FBXO38: variants seen among roughly 807,000 people sequenced by gnomAD.
The protein encoded by FBXO38 is F-box protein 38, also known as F-box only protein 38.
Under a neutral mutation model 131.9 loss-of-function variants are expected in FBXO38, and 53 were observed. The ratio of observed to expected loss-of-function variants is 0.40; its 90% CI spans 0.32 to 0.51. The LOEUF (loss-of-function observed/expected upper bound fraction) is 0.51, where lower values mean the gene tolerates loss of function less well. Ranked by LOEUF, FBXO38 falls within the 20% of genes least tolerant of loss-of-function variation. The pLI is 0.53. For missense variants in FBXO38, 1,076 were observed against 1,475.6 expected (o/e 0.73, Z 4.44); for synonymous variants, 452 against 505.6 (o/e 0.89, Z 1.42).
intron 1 of FBXO38, among the ~76,000 whole-genome samples, chr5:148,386,581 T>C (rs1757925161): frequency 6.6e-6 from 1 of 152,176 alleles, no homozygotes; most frequent in Non-Finnish European, 1.5e-5. Flanking sequence ...TCTTCAACTT[T>C]TAACATTCTG....
rs1376521591 is a variant in FBXO38, at chr5:148,433,507, G to A, written c.2737G>A (p.Glu913Lys). ...KSTSTSDPVI[E>K]DDHVQVLVLK... ...CACTAGTACAAGTGATCCTGTGATCGAGGATGACCATGTGCAGGTAGAGAA... is the reference window on the plus strand; with the variant it reads ...CACTAGTACAAGTGATCCTGTGATCAAGGATGACCATGTGCAGGTAGAGAA... Residue 913 changes from glutamate to lysine, a missense_variant, in exon 16 of 22, where the codon GAG (glutamate) becomes AAG (lysine). Physicochemically the swap from Glu to Lys is moderately conservative, Grantham distance 56. Around this residue, in one of 8 missense-constraint regions of FBXO38, gnomAD observed 282 missense variants for 418.8 expected, o/e 0.67. Transcript: ENST00000340253. The A allele has an allele frequency of 1.9e-6, 3 of 1,612,732 alleles. No homozygotes were observed. The highest frequency in any genetic ancestry group is 2.2e-5 in the East Asian group (1 of 44,848).
At chr5:148,393,903 A>G (rs905615668) in intron 1 of FBXO38, among the ~76,000 whole-genome samples, 31 of 152,182 alleles carry the variant, frequency 2.0e-4, no homozygotes, top group Non-Finnish European at 2.6e-4. Context: ...ATGCTGATCA[A>G]TAGAACAGAA....
In FBXO38 at chr5:148,417,204, G is replaced by C. The variant is rs779438870; in HGVS notation, c.1618G>C (p.Ala540Pro). The C allele has an allele frequency of 6.3e-7, 1 of 1,599,390 alleles. No homozygotes were observed. The highest frequency in any genetic ancestry group is 8.6e-7 in the Non-Finnish European group (1 of 1,167,004). ...AGGAGAGCAGCAGTTTGCAGCTGAC[G>C]GTAACCCAGATCTTTTATGAGCTCC... is the stretch of plus-strand genomic sequence containing the variant. ...QPGEQQFAADALNEMEDIVQE... is the reference protein window; with the variant it reads ...QPGEQQFAADPLNEMEDIVQE... Residue 540 changes from alanine to proline, a missense_variant and splice_region_variant, in exon 12 of 22, where the codon GCA becomes CCA. Physicochemically the swap from Ala to Pro is conservative, Grantham distance 27 (BLOSUM62 -1). Around this residue, in one of 8 missense-constraint regions of FBXO38, gnomAD observed 212 missense variants for 221.2 expected, o/e 0.96. Coordinates refer to ENST00000340253, the MANE Select transcript of FBXO38 (RefSeq NM_205836.3).
intron 2 of FBXO38, among the ~76,000 whole-genome samples, chr5:148,396,744 TA>T (rs1758503166): frequency 6.6e-6 from 1 of 152,120 alleles, no homozygotes; most frequent in Admixed American, 6.6e-5. Flanking sequence ...CCTTTTGCCT[TA>T]GGGGCGCACA....
chr5:148,436,768 C>T (rs1351907765), intron 17 of FBXO38, among the ~76,000 whole-genome samples: 2 of 152,158 alleles, frequency 1.3e-5, no homozygotes, highest in Non-Finnish European at 2.9e-5. Context: ...CCTTGGGGAC[C>T]CCAGACTCTA....
Position 148,427,734 on chromosome 5 carries a change from G to C in FBXO38, c.2440G>C (p.Ala814Pro). 2 of 1,613,822 alleles carry C rather than the reference G, an allele frequency of 1.2e-6. No homozygotes were observed. The highest frequency in any genetic ancestry group is 1.7e-6 in the Non-Finnish European group (2 of 1,179,832). The change falls in exon 15 of 22, where the codon GCC (alanine) becomes CCC (proline). Residue 814 changes from alanine (A) to proline (P), a missense_variant. Physicochemically the swap from Ala to Pro is conservative, Grantham distance 27. Coordinates refer to ENST00000340253, the MANE Select transcript of FBXO38 (RefSeq NM_205836.3). ...VVNGPDGTRS[A>P]FSFRTLPQGG... The stretch of plus-strand genomic sequence containing the variant: ...GAATGGCCCGGATGGTACGAGATCC[G>C]CCTTTTCCTTTAGGACTCTGCCACA...
chr5:148,438,288 C>A, intron 17 of FBXO38, 44 bp from the exon 18 acceptor site: 2 of 1,583,740 alleles, frequency 1.3e-6, no homozygotes, highest in Non-Finnish European at 1.7e-6. Context: ...GCCATCTCTC[C>A]AAAGATGATA....
intron 8 of FBXO38, 70 bp downstream of exon 8, chr5:148,409,287 T>C (rs1752618319): frequency 1.9e-6 from 2 of 1,033,868 alleles, no homozygotes; most frequent in Non-Finnish European, 1.5e-6. Context: ...TTACAAAAAA[T>C]TGTGGAATGT....
At chr5:148,426,599 C>G (rs1340316494) in intron 14 of FBXO38, among the ~76,000 whole-genome samples, 1 of 152,190 alleles carries the variant, frequency 6.6e-6, no homozygotes, top group Non-Finnish European at 1.5e-5. Context: ...CTAAATTTAG[C>G]AACTAAATCC....
Position 148,427,726 on chromosome 5 carries a change from C to T in FBXO38, c.2432C>T (p.Thr811Met), listed in dbSNP as rs540705586. 6.2e-6 allele frequency: 10 copies of T among 1,613,994 alleles called. No homozygotes were observed. Among genetic ancestry groups the T allele is most frequent in the South Asian group, 1.1e-5 (1 of 91,076 alleles). ...TGTGTTGTGAATGGCCCGGATGGTA[C>T]GAGATCCGCCTTTTCCTTTAGGACT... ...RACVVNGPDG[T>M]RSAFSFRTLP... The change falls in exon 15 of 22, where the codon ACG (threonine) becomes ATG (methionine). Residue 811 changes from threonine (T) to methionine (M), a missense_variant. Thr to Met is a moderately conservative substitution (Grantham distance 81). Transcript: ENST00000340253.
chr5:148,436,617 A>G (rs1186322253), intron 17 of FBXO38, among the ~76,000 whole-genome samples: 1 of 152,168 alleles, frequency 6.6e-6, no homozygotes, highest in Non-Finnish European at 1.5e-5. Flanking sequence ...TATATCTCCT[A>G]CCATATTAGT....
chr5:148,387,500 CAG>C (rs985987660), intron 1 of FBXO38, among the ~76,000 whole-genome samples: 3 of 152,142 alleles, frequency 2.0e-5, no homozygotes, highest in African/African-American at 7.2e-5. Context: ...TTGAATCCCT[CAG>C]AGTCATCCAT....
At position 148,427,496 on chromosome 5, in the gene FBXO38, C is replaced by T. The variant is rs771687051; in HGVS notation, c.2202C>T (p.Gly734=). ...ACTTTGTAAGGACGGTGAACAGCGG[C>T]GGCTCTTCCGAGCCTAGCCCTACAG... ...SPDFVRTVNS[G]GSSEPSPTEV... Residue 734 remains glycine, a synonymous_variant, in exon 15 of 22, where the codon GGC becomes GGT. Transcript: ENST00000340253. The T allele has an allele frequency of 5.6e-6, 9 of 1,614,170 alleles. No individual in the cohort carries two copies. The highest frequency in any genetic ancestry group is 2.2e-5 in the East Asian group (1 of 44,872).
At chr5:148,416,772 C>A in intron 11 of FBXO38, 1 of 516,712 alleles carries the variant, frequency 1.9e-6, no homozygotes. Context: ...ATCTCTTCTC[C>A]TTGCATGACT....
chr5:148,438,577 T>C, intron 18 of FBXO38, 79 bp downstream of exon 18: 1 of 1,484,566 alleles, frequency 6.7e-7, no homozygotes, highest in African/African-American at 1.4e-5. Context: ...TCTTTAGCCT[T>C]TTGGATTTGG....
At position 148,415,605 on chromosome 5, in the gene FBXO38, A is replaced by C. The variant is rs1581258350; in HGVS notation, c.1265-323A>C. Among the ~76,000 whole-genome samples the C allele has an allele frequency of 2.0e-5, 3 of 152,300 alleles. No individual in the cohort carries two copies. In the East Asian group the frequency reaches 5.8e-4, roughly 29 times the overall value. On this transcript the variant is annotated intron_variant, in intron 10 of 21. Coordinates refer to ENST00000340253, the MANE Select transcript of FBXO38 (RefSeq NM_205836.3). ...TCCTTAATTCTTTTGAAATAGCTAC[A>C]TAATGTTCTATTAAATAAATATGCC...
At chr5:148,417,309 T>C in intron 12 of FBXO38, 105 bp downstream of exon 12, 1 of 829,558 alleles carries the variant, frequency 1.2e-6, no homozygotes. Context: ...CTTGTCACTT[T>C]CCACATTGAG....
intron 10 of FBXO38, among the ~76,000 whole-genome samples, 188 bp downstream of exon 10, chr5:148,414,494 C>T (rs1279284397): frequency 6.6e-6 from 1 of 152,132 alleles, no homozygotes; most frequent in Non-Finnish European, 1.5e-5. Flanking sequence ...CTTTAAACTT[C>T]TGACGTTCTC....
Position 148,440,467 on chromosome 5 carries a change from G to A in FBXO38, c.3214G>A (p.Glu1072Lys), listed in dbSNP as rs1319448078. The change falls in exon 20 of 22, where the codon GAA becomes AAA. Residue 1072 changes from glutamate to lysine, a missense_variant. Physicochemically the swap from Glu to Lys is moderately conservative, Grantham distance 56. Around this residue, in one of 8 missense-constraint regions of FBXO38, gnomAD observed 282 missense variants for 418.8 expected, o/e 0.67. Coordinates refer to ENST00000340253, the MANE Select transcript of FBXO38 (RefSeq NM_205836.3). ...YEFFPEATRS[E>K]EDLKKYPKYP... is the part of the protein sequence containing the mutation. ...ATTCTTCCCTGAAGCCACTCGAAGT[G>A]AAGAAGACTTAAAGAAATACCCCAA... The A allele has an allele frequency of 6.2e-7, 1 of 1,612,932 alleles. No homozygotes were observed. Among genetic ancestry groups the A allele is most frequent in the Admixed American group, 1.7e-5 (1 of 59,994 alleles).
Sources: allele counts gnomAD v4.1 joint callset (sites outside exome capture counted in the v4.1 genomes callset), GRCh38; gene constraint gnomAD v4.1.1; regional missense constraint gnomAD v4.1.1; transcripts MANE v1.5; gene names NCBI Gene and HGNC (gene_info 2026-07-23, HGNC 2026-07-21).